The following GHITM variants were observed in gnomAD, a reference collection of about 807,000 sequenced individuals.
The protein encoded by GHITM is growth hormone-inducible transmembrane protein.
A neutral mutation model predicts 38.7 loss-of-function variants in GHITM; 24 were observed. The ratio of observed to expected loss-of-function variants is 0.62; its 90% CI spans 0.45 to 0.87. The LOEUF is 0.87. Ranked by LOEUF, GHITM falls within the 40% of genes least tolerant of loss-of-function variation. The pLI is 0.00. For synonymous variants in GHITM, 154 were observed against 147.8 expected, an observed-to-expected ratio of 1.04 and a Z score of -0.30; for missense variants, 420 against 429.8, an observed-to-expected ratio of 0.98 and a Z score of 0.20.
At chr10:84,150,004 C>T (rs534349760) in intron 6 of GHITM, 51 bp from the exon 7 acceptor site, 2 of 1,330,678 alleles carry the variant, frequency 1.5e-6, no homozygotes, top group Non-Finnish European at 2.0e-6. Flanking sequence ...TGATATTTTC[C>T]TTTTGCTTGT....
chr10:84,149,852 A>T lies in GHITM; in HGVS notation c.593-203A>T, dbSNP rs146960636. 8.5e-5 allele frequency among the ~76,000 whole-genome samples: 13 copies of T among 152,340 alleles called. No homozygotes were observed. In the East Asian group the frequency reaches 2.5e-3, roughly 29 times the overall value. On this transcript the variant is annotated intron_variant, in intron 6 of 8. Coordinates refer to ENST00000372134, the MANE Select transcript of GHITM (RefSeq NM_014394.3). ...CTTGTGAGTGTGATTGATTAGGAATAGTGTTAATGTTGTGATATAGAATTT... is the reference window on the plus strand; with the variant it reads ...CTTGTGAGTGTGATTGATTAGGAATTGTGTTAATGTTGTGATATAGAATTT...
At chr10:84,150,403 T>C (rs780055682) in intron 7 of GHITM, among the ~76,000 whole-genome samples, 160 bp downstream of exon 7, 4 of 152,238 alleles carry the variant, frequency 2.6e-5, no homozygotes, top group Non-Finnish European at 5.9e-5. Context: ...ATAAAAATCA[T>C]GGCAACATGG....
chr10:84,143,103 A>G (rs1376795091), intron 3 of GHITM, among the ~76,000 whole-genome samples: 2 of 152,228 alleles, frequency 1.3e-5, no homozygotes, highest in Non-Finnish European at 2.9e-5. Flanking sequence ...TAAATCACCA[A>G]CACATAGATG....
chr10:84,141,979 C>T (rs1478947872), intron 2 of GHITM, among the ~76,000 whole-genome samples: 1 of 152,144 alleles, frequency 6.6e-6, no homozygotes, highest in Non-Finnish European at 1.5e-5. Context: ...TGGCCAATAG[C>T]TTATTAATAA....
chr10:84,139,985 G>C (rs1000847368), intron 1 of GHITM: 1 of 152,356 alleles, frequency 6.6e-6, no homozygotes, highest in Non-Finnish European at 1.5e-5. Flanking sequence ...TCGGGGACCA[G>C]GCACCCAAAC....
chr10:84,139,545 C>G lies in GHITM; in HGVS notation c.-88C>G, dbSNP rs1367737977. 2 of 152,312 alleles carry G rather than the reference C, an allele frequency of 1.3e-5. No individual in the cohort carries two copies. Among genetic ancestry groups the G allele is most frequent in the Non-Finnish European group, 2.9e-5 (2 of 68,100 alleles). The allele number at this position is 152,312 out of a possible 1,614,324, so 9.4% of individuals were successfully genotyped here. A position where few individuals can be genotyped will look rare whatever the true frequency, so the allele number is the denominator to read the frequency against. On this transcript the variant is annotated 5_prime_UTR_variant, in exon 1 of 9. Coordinates refer to ENST00000372134, the MANE Select transcript of GHITM (RefSeq NM_014394.3). The stretch of plus-strand genomic sequence containing the variant: ...GGAACTGTGCTCTTTGAGGCCGACG[C>G]TAGGGGCCCGGAAGGGAAACTGCGA...
intron 1 of GHITM, among the ~76,000 whole-genome samples, chr10:84,141,131 A>G (rs1841501906): frequency 6.6e-6 from 1 of 152,244 alleles, no homozygotes; most frequent in South Asian, 2.1e-4. Flanking sequence ...TGTAAAAACC[A>G]TCACAGACTC....
At chr10:84,145,161 T>A in intron 5 of GHITM, 145 bp downstream of exon 5, 2 of 564,160 alleles carry the variant, frequency 3.5e-6, no homozygotes, top group Non-Finnish European at 5.7e-6. Flanking sequence ...AGGTTGAGCA[T>A]CCCTAATTTA....
In GHITM at chr10:84,152,524, T is replaced by G; in HGVS notation, c.*176T>G. The G allele has an allele frequency of 2.3e-6, 1 of 434,654 alleles. No homozygotes were observed. The highest frequency in any genetic ancestry group is 4.1e-6 in the Non-Finnish European group (1 of 244,762). 26.9% of individuals were successfully genotyped at this position (434,654 alleles called of 1,614,324 possible). A position where few individuals can be genotyped will look rare whatever the true frequency, so the allele number is the denominator to read the frequency against. ...CAGGTCTGCCTTTTTTTCTGGAGAA[T>G]AAATGCAGTAATCCTCTCCCAAATA... On this transcript the variant is annotated 3_prime_UTR_variant, in exon 9 of 9. Transcript: ENST00000372134.
In GHITM at chr10:84,152,297, A is replaced by G. The variant is rs756729282; in HGVS notation, c.987A>G (p.Ile329Met). 2 of 1,605,506 alleles carry G rather than the reference A, an allele frequency of 1.2e-6. No homozygotes were observed. Among genetic ancestry groups the G allele is most frequent in the Admixed American group, 3.4e-5 (2 of 59,526 alleles). The stretch of plus-strand genomic sequence containing the variant: ...GTATCTACATGGATACATTAAATAT[A>G]TTTATGCGAGTTGCAACTATGCTGG... ...MLSIYMDTLN[I>M]FMRVATMLAT... The change falls in exon 9 of 9, where the codon ATA becomes ATG. Residue 329 changes from isoleucine to methionine, a missense_variant. Coordinates refer to ENST00000372134, the MANE Select transcript of GHITM (RefSeq NM_014394.3).
At chr10:84,143,144 C>G (rs568467386) in intron 3 of GHITM, among the ~76,000 whole-genome samples, 2 of 152,306 alleles carry the variant, frequency 1.3e-5, no homozygotes, top group Admixed American at 1.3e-4. Context: ...CAAGAAGAAT[C>G]CTTTAACTCA....
intron 2 of GHITM, among the ~76,000 whole-genome samples, chr10:84,141,928 G>A: frequency 6.8e-6 from 1 of 146,758 alleles, no homozygotes; most frequent in East Asian, 1.9e-4. Context: ...AGATCCTGGA[G>A]CACATAGTCA....
intron 5 of GHITM, among the ~76,000 whole-genome samples, chr10:84,146,856 G>A (rs994848938): frequency 1.3e-5 from 2 of 152,148 alleles, no homozygotes; most frequent in African/African-American, 4.8e-5. Context: ...AACCTTTTGG[G>A]TGTGACAGAC....
chr10:84,152,897 C>T lies in GHITM; in HGVS notation c.*549C>T, dbSNP rs748425846. 18 of 152,286 alleles carry T rather than the reference C, an allele frequency of 1.2e-4. No homozygotes were observed. Among genetic ancestry groups the T allele is most frequent in the Non-Finnish European group, 2.2e-4 (15 of 68,084 alleles). 9.4% of individuals were successfully genotyped at this position (152,286 alleles called of 1,614,324 possible). ...ATTTGGAAACAAGTGGTCATTGTTA[C>T]ATTCATCTGCTGAACTTAACAAAAC... is the stretch of plus-strand genomic sequence containing the variant. On this transcript the variant is annotated 3_prime_UTR_variant, in exon 9 of 9. Transcript: ENST00000372134.
chr10:84,153,475 A>G lies in GHITM; in HGVS notation c.*1127A>G, dbSNP rs1440666357. On this transcript the variant is annotated 3_prime_UTR_variant, in exon 9 of 9. Transcript: ENST00000372134. ...CCTAGCAGACTTTTACTTCTCTTAC[A>G]CTGCTACACCATTACTTTCTTGAGA... Among the ~76,000 whole-genome samples the G allele has an allele frequency of 1.3e-5, 2 of 152,216 alleles. No individual in the cohort carries two copies. Among genetic ancestry groups the G allele is most frequent in the Non-Finnish European group, 2.9e-5 (2 of 68,036 alleles).
intron 5 of GHITM, among the ~76,000 whole-genome samples, chr10:84,147,627 T>G (rs1385703799): frequency 1.4e-4 from 8 of 58,042 alleles, no homozygotes; most frequent in African/African-American, 3.3e-4. Flanking sequence ...TTTTTTTTTG[T>G]TTGTTTTTTT....
At chr10:84,141,423 T>C in intron 1 of GHITM, 39 bp from the exon 2 acceptor site, 1 of 1,351,468 alleles carries the variant, frequency 7.4e-7, no homozygotes, top group Non-Finnish European at 1.0e-6. Flanking sequence ...TTGTTTTACT[T>C]ATGTTTTTTT....
At position 84,144,938 on chromosome 10, in the gene GHITM, T is replaced by A; in HGVS notation, c.405T>A (p.Ile135=). 1 of 1,611,166 alleles carries A rather than the reference T, an allele frequency of 6.2e-7. No homozygotes were observed. Among genetic ancestry groups the A allele is most frequent in the Non-Finnish European group, 8.5e-7 (1 of 1,177,618 alleles). The part of the protein sequence containing the change: ...HSTYMYLAGS[I]GLTALSAIAI... ...CCTATATGTACTTAGCAGGGAGTATTGGTTTAACAGCTTTGTCTGCCATAG... is the reference window on the plus strand; with the variant it reads ...CCTATATGTACTTAGCAGGGAGTATAGGTTTAACAGCTTTGTCTGCCATAG... The change falls in exon 5 of 9, where the codon ATT becomes ATA. Residue 135 remains isoleucine (I), a synonymous_variant. Transcript: ENST00000372134.
At chr10:84,146,208 AGAC>A (rs1457208136) in intron 5 of GHITM, among the ~76,000 whole-genome samples, 1 of 152,218 alleles carries the variant, frequency 6.6e-6, no homozygotes, top group Non-Finnish European at 1.5e-5. Flanking sequence ...AGGGTAAAGA[AGAC>A]GTGGTTAGAA....
Sources: gnomAD v4.1 joint callset for allele counts (sites outside exome capture counted in the v4.1 genomes callset) on GRCh38, gnomAD v4.1.1 for gene constraint, MANE v1.5 for transcripts, NCBI Gene and HGNC (gene_info 2026-07-23, HGNC 2026-07-21) for gene names.